ZNF211: variants seen among roughly 807,000 people sequenced by gnomAD.
ZNF211 encodes zinc finger protein 211.
ZNF211 carries 18 observed loss-of-function variants against 12.1 expected under a neutral mutation model. That is an observed-to-expected ratio of 1.48 (90% confidence interval 1.03 to 2.20). The LOEUF is 2.20. ZNF211 is among the 30% of genes most tolerant of loss of function. The probability of loss-of-function intolerance (pLI) is 0.00; values close to 1 mark genes in which losing one functional copy is unlikely to be tolerated. For synonymous variants in ZNF211, 249 were observed against 246.0 expected (o/e 1.01, Z -0.11); for missense variants, 677 against 703.1 (o/e 0.96, Z 0.42).
intron 3 of ZNF211, among the ~76,000 whole-genome samples, chr19:57,638,994 CTATTG>C (rs1314582209): frequency 6.6e-6 from 1 of 152,032 alleles, no homozygotes; most frequent in African/African-American, 2.4e-5. Flanking sequence ...TTTAAAATCT[CTATTG>C]TATGATATTA....
intron 3 of ZNF211, chr19:57,634,992 T>C: frequency 1.0e-6 from 1 of 983,280 alleles, no homozygotes; most frequent in Non-Finnish European, 1.2e-6. Flanking sequence ...CCCACCTGAC[T>C]TGCCTTCTCC....
rs2122235012 is a variant in ZNF211, at chr19:57,643,013, G to A, written c.*832G>A. Among the ~76,000 whole-genome samples the A allele has an allele frequency of 6.6e-6, 1 of 152,272 alleles. No individual in the cohort carries two copies. The highest frequency in any genetic ancestry group is 2.4e-5 in the African/African-American group (1 of 41,554). The stretch of plus-strand genomic sequence containing the variant: ...TCTTAATTCGTGGACTGGATGCAAG[G>A]ATTTTTTGTGGGCTCAAAGGACACC... On this transcript the variant is annotated 3_prime_UTR_variant, in exon 4 of 4. Coordinates refer to ENST00000240731, the MANE Select transcript of ZNF211 (RefSeq NM_006385.5).
rs558643772 is a variant in ZNF211, at chr19:57,633,224, C to T, written c.-123C>T. 36 of 999,460 alleles carry T rather than the reference C, an allele frequency of 3.6e-5. No individual in the cohort carries two copies. In the East Asian group the frequency reaches 6.2e-4, roughly 17 times the overall value. The allele number at this position is 999,460 out of a possible 1,614,324, so 61.9% of individuals were successfully genotyped here. A position where few individuals can be genotyped will look rare whatever the true frequency, so the allele number is the denominator to read the frequency against. ...CATTTTGGCTGCCCTCCCGGAGGTCCGTTCTGTCTGTCAGCCGCTTTGGTA... is the reference window on the plus strand; with the variant it reads ...CATTTTGGCTGCCCTCCCGGAGGTCTGTTCTGTCTGTCAGCCGCTTTGGTA... On this transcript the variant is annotated 5_prime_UTR_variant, in exon 1 of 4. Transcript: ENST00000240731.
chr19:57,637,123 T>A (rs772820292), intron 3 of ZNF211, among the ~76,000 whole-genome samples: 1 of 152,220 alleles, frequency 6.6e-6, no homozygotes, highest in Non-Finnish European at 1.5e-5. Flanking sequence ...GTATATCATC[T>A]GTGAGCAGGG....
chr19:57,634,595 C>A (rs1377630973), intron 2 of ZNF211, 34 bp from the exon 3 acceptor site: 1 of 1,498,556 alleles, frequency 6.7e-7, no homozygotes, highest in Admixed American at 2.2e-5. Context: ...CAAATTGAGA[C>A]TGTTCATGGT....
rs1981842892 is a variant in ZNF211, at chr19:57,634,158, C to T, written c.129+97C>T. On this transcript the variant is annotated intron_variant, in intron 2 of 3. Coordinates refer to ENST00000240731, the MANE Select transcript of ZNF211 (RefSeq NM_006385.5). Reference sequence around the variant, plus strand: ...TAGATTTGTGGTGTCATGGGACTCACCTACCATTCTCTCAGCGTTTGGTTT... The same window carrying T: ...TAGATTTGTGGTGTCATGGGACTCATCTACCATTCTCTCAGCGTTTGGTTT... The T allele has an allele frequency of 2.2e-6, 3 of 1,337,414 alleles. No homozygotes were observed. In the African/African-American group the frequency reaches 4.4e-5, roughly 20 times the overall value. The allele number at this position is 1,337,414 out of a possible 1,614,324, so 82.8% of individuals were successfully genotyped here.
rs1983201529 is a variant in ZNF211, at chr19:57,643,498, G to A, written c.*1317G>A. On this transcript the variant is annotated 3_prime_UTR_variant, in exon 4 of 4. Transcript: ENST00000240731. ...CCAGGAAAACAAGCATAGAAAGAAG[G>A]GGCGGGGGATGTCCTTCCAGGAATG... is the stretch of plus-strand genomic sequence containing the variant. Among the ~76,000 whole-genome samples, 1 of 152,152 alleles carries A rather than the reference G, an allele frequency of 6.6e-6. No individual in the cohort carries two copies. The highest frequency in any genetic ancestry group is 1.5e-5 in the Non-Finnish European group (1 of 68,028).
In ZNF211 at chr19:57,640,864, T is replaced by A. The variant is rs150477830; in HGVS notation, c.417T>A (p.Ala139=). 9.3e-6 allele frequency: 15 copies of A among 1,614,244 alleles called. No individual in the cohort carries two copies. Among genetic ancestry groups the A allele is most frequent in the Non-Finnish European group, 1.3e-5 (15 of 1,180,046 alleles). ...TCTTGAGAGATATTTTGCACTTGGC[T>A]GAACACCAAGGAACAAACTGCGGGC... is the stretch of plus-strand genomic sequence containing the variant. The part of the protein sequence containing the change: ...CLVLRDILHL[A]EHQGTNCGQK... The change falls in exon 4 of 4, where the codon GCT becomes GCA. Residue 139 remains alanine, a synonymous_variant. Coordinates refer to ENST00000240731, the MANE Select transcript of ZNF211 (RefSeq NM_006385.5).
chr19:57,636,455 A>G (rs1455715466), intron 3 of ZNF211, among the ~76,000 whole-genome samples: 1 of 152,158 alleles, frequency 6.6e-6, no homozygotes, highest in Non-Finnish European at 1.5e-5. Flanking sequence ...ACATGTAGAT[A>G]TCCAGTTTTC....
At chr19:57,639,888 T>C (rs1182271510) in intron 3 of ZNF211, 21 of 1,521,172 alleles carry the variant, frequency 1.4e-5, no homozygotes, top group Admixed American at 1.0e-4. Context: ...TGTTAGTTGC[T>C]CACATGTCCT....
intron 3 of ZNF211, among the ~76,000 whole-genome samples, chr19:57,636,611 A>C (rs1381163415): frequency 6.6e-6 from 1 of 152,176 alleles, no homozygotes; most frequent in East Asian, 1.9e-4. Context: ...TTTAATTTCT[A>C]TAGCCTTGCA....
rs760712416 is a variant in ZNF211, at chr19:57,641,433, C to T, written c.986C>T (p.Pro329Leu). 22 of 1,610,478 alleles carry T rather than the reference C, an allele frequency of 1.4e-5. No individual in the cohort carries two copies. In the South Asian group the frequency reaches 1.9e-4, roughly 14 times the overall value. The change falls in exon 4 of 4, where the codon CCT becomes CTT. Residue 329 changes from proline (P) to leucine (L), a missense_variant. Pro to Leu is a moderately conservative substitution (Grantham distance 98). Coordinates refer to ENST00000240731, the MANE Select transcript of ZNF211 (RefSeq NM_006385.5). ...ACTGGAGAAAGGCCTTATGCGTGCC[C>T]TGAATGTGGGAAATCGTTTAGTCAG... The part of the protein sequence containing the change: ...VHTGERPYAC[P>L]ECGKSFSQIY...
intron 3 of ZNF211, among the ~76,000 whole-genome samples, chr19:57,639,457 T>G (rs372340921): frequency 1.1e-4 from 15 of 135,242 alleles, no homozygotes; most frequent in African/African-American, 4.2e-4. Flanking sequence ...TCTCACTCTG[T>G]TGCCCAGGCT....
At chr19:57,634,285 A>G (rs994006331) in intron 2 of ZNF211, 2 of 512,028 alleles carry the variant, frequency 3.9e-6, no homozygotes, top group Admixed American at 7.4e-5. Context: ...TGATAGAAAC[A>G]GGTAGGTACC....
In ZNF211 at chr19:57,641,866, A is replaced by G; in HGVS notation, c.1419A>G (p.Lys473=). 1.9e-6 allele frequency: 3 copies of G among 1,614,158 alleles called. No individual in the cohort carries two copies. The highest frequency in any genetic ancestry group is 2.5e-6 in the Non-Finnish European group (3 of 1,180,036). The change falls in exon 4 of 4, where the codon AAA becomes AAG. Residue 473 remains lysine, a synonymous_variant. Transcript: ENST00000240731. ...ERPYVCGECG[K]SFSHSSNLKN... Reference sequence around the variant, plus strand: ...CTTATGTGTGTGGGGAATGTGGGAAATCCTTTAGCCATAGCTCCAACCTTA... The same window carrying G: ...CTTATGTGTGTGGGGAATGTGGGAAGTCCTTTAGCCATAGCTCCAACCTTA...
At chr19:57,639,110 C>G (rs925600753) in intron 3 of ZNF211, among the ~76,000 whole-genome samples, 4 of 152,036 alleles carry the variant, frequency 2.6e-5, no homozygotes, top group Admixed American at 6.6e-5. Context: ...TAAAGCAAAT[C>G]TCTTGTAGAC....
intron 3 of ZNF211, among the ~76,000 whole-genome samples, chr19:57,636,992 T>C (rs964584587): frequency 2.0e-5 from 3 of 152,240 alleles, no homozygotes; most frequent in Non-Finnish European, 4.4e-5. Context: ...CTTTTCAAAT[T>C]GTTCACCATT....
At position 57,640,840 on chromosome 19, in the gene ZNF211, C is replaced by T; in HGVS notation, c.393C>T (p.Val131=). ...NADSCEICCL[V]LRDILHLAEH... is the part of the protein sequence containing the mutation. The stretch of plus-strand genomic sequence containing the variant: ...ACTCCTGTGAAATATGTTGCCTGGT[C>T]TTGAGAGATATTTTGCACTTGGCTG... The change falls in exon 4 of 4, where the codon GTC becomes GTT. Residue 131 remains valine, a synonymous_variant. Transcript: ENST00000240731. 4 of 1,614,232 alleles carry T rather than the reference C, an allele frequency of 2.5e-6. No individual in the cohort carries two copies. Among genetic ancestry groups the T allele is most frequent in the Non-Finnish European group, 3.4e-6 (4 of 1,180,046 alleles).
At chr19:57,633,511 CTG>C (rs1444379000) in intron 1 of ZNF211, 75 bp downstream of exon 1, 3 of 1,514,772 alleles carry the variant, frequency 2.0e-6, no homozygotes, top group Non-Finnish European at 1.8e-6. Flanking sequence ...GCTCACGTCT[CTG>C]TAGCACAGGG....
Sources: gnomAD v4.1 joint callset for allele counts (sites outside exome capture counted in the v4.1 genomes callset) on GRCh38, gnomAD v4.1.1 for gene constraint, MANE v1.5 for transcripts, NCBI Gene and HGNC (gene_info 2026-07-23, HGNC 2026-07-21) for gene names.